BMP6: variants seen among roughly 807,000 people sequenced by gnomAD.
The protein encoded by BMP6 is VG-1-R.
Under a neutral mutation model 54.1 loss-of-function variants are expected in BMP6, and 17 were observed. The ratio of observed to expected loss-of-function variants is 0.31; its 90% CI spans 0.22 to 0.47. BMP6 has a LOEUF of 0.47. BMP6 is among the 20% of genes least tolerant of loss of function. BMP6 has a pLI of 1.00. For synonymous variants in BMP6, 328 were observed against 291.2 expected, an observed-to-expected ratio of 1.13 and a Z score of -1.28; for missense variants, 720 against 690.4, an observed-to-expected ratio of 1.04 and a Z score of -0.48.
Position 7,861,566 on chromosome 6 carries a change from A to T in BMP6, c.973A>T (p.Met325Leu). 1 of 1,614,150 alleles carries T rather than the reference A, an allele frequency of 6.2e-7. No individual in the cohort carries two copies. The highest frequency in any genetic ancestry group is 8.5e-7 in the Non-Finnish European group (1 of 1,180,026). Residue 325 changes from methionine to leucine, a missense_variant, in exon 3 of 7, where the codon ATG (methionine) becomes TTG (leucine). Met to Leu is a conservative substitution (Grantham distance 15). Coordinates refer to ENST00000283147, the MANE Select transcript of BMP6 (RefSeq NM_001718.6). The part of the protein sequence containing the change: ...NLWVVTPQHN[M>L]GLQLSVVTRD... ...GTGGGTTGTGACTCCACAGCATAAC[A>T]TGGGGCTTCAGCTGAGCGTGGTGAC...
intron 1 of BMP6, among the ~76,000 whole-genome samples, chr6:7,774,857 A>G (rs568370239): frequency 2.0e-5 from 3 of 152,360 alleles, no homozygotes; most frequent in African/African-American, 7.2e-5. Context: ...TTTGACTTAC[A>G]ATTCTGGAGG....
At chr6:7,850,748 T>TTTTG (rs1015779434) in intron 2 of BMP6, among the ~76,000 whole-genome samples, 51 of 152,274 alleles carry the variant, frequency 3.3e-4, no homozygotes, top group African/African-American at 1.2e-3. Flanking sequence ...GATGTAGAAG[T>TTTTG]TTTGAGCTCA....
At chr6:7,732,609 CTACTT>C (rs993631810) in intron 1 of BMP6, among the ~76,000 whole-genome samples, 12 of 152,264 alleles carry the variant, frequency 7.9e-5, no homozygotes, top group African/African-American at 2.9e-4. Flanking sequence ...CAGAGAGTAA[CTACTT>C]TATATGTTGG....
At chr6:7,767,493 C>T (rs866740017) in intron 1 of BMP6, among the ~76,000 whole-genome samples, 3 of 151,860 alleles carry the variant, frequency 2.0e-5, no homozygotes, top group Admixed American at 1.3e-4. Flanking sequence ...AGCCCCACCA[C>T]GGAGATTTGG....
At chr6:7,803,145 C>T (rs1160585695) in intron 1 of BMP6, among the ~76,000 whole-genome samples, 3 of 152,132 alleles carry the variant, frequency 2.0e-5, no homozygotes, top group Non-Finnish European at 4.4e-5. Context: ...GTCCCTTCCT[C>T]CCAGGGAAGA....
rs904968871 is a variant in BMP6 at position 7,727,031 on chromosome 6, C to T, written c.76C>T (p.Pro26Ser). Residue 26 changes from proline (P) to serine (S), a missense_variant, in exon 1 of 7, where the codon CCG (proline) becomes TCG (serine). Physicochemically the swap from Pro to Ser is moderately conservative, Grantham distance 74. Around this residue, in one of 3 missense-constraint regions of BMP6, gnomAD observed 650 missense variants for 556.3 expected, o/e 1.17. Coordinates refer to ENST00000283147, the MANE Select transcript of BMP6 (RefSeq NM_001718.6). Reference protein sequence around the residue: ...GLLCSCCGPPPLRPPLPAAAA... With the variant: ...GLLCSCCGPPSLRPPLPAAAA... ...GCTGTGCAGCTGCTGCGGGCCCCCG[C>T]CGCTGCGGCCGCCCTTGCCCGCTGC... The T allele has an allele frequency of 8.9e-7, 1 of 1,119,578 alleles. No homozygotes were observed. The highest frequency in any genetic ancestry group is 1.1e-6 in the Non-Finnish European group (1 of 918,180). The allele number at this position is 1,119,578 out of a possible 1,614,324, so 69.4% of individuals were successfully genotyped here.
At chr6:7,837,048 G>C (rs1031841796) in intron 1 of BMP6, among the ~76,000 whole-genome samples, 1 of 152,222 alleles carries the variant, frequency 6.6e-6, no homozygotes, top group African/African-American at 2.4e-5. Flanking sequence ...GAAAATGTAG[G>C]ATTTATTGGG....
chr6:7,876,997 G>A (rs1038829421), intron 4 of BMP6, among the ~76,000 whole-genome samples: 2 of 151,874 alleles, frequency 1.3e-5, no homozygotes, highest in African/African-American at 4.8e-5. Flanking sequence ...GGGTCCTCTG[G>A]GTCTTCCCTT....
rs199764413 is a variant in BMP6, at chr6:7,727,589, G to A, written c.634G>A (p.Ala212Thr). ...GCAGGACAGCGCCTTCCTCAACGACGCGGACATGGTCATGAGCTTTGTGAA... is the reference window on the plus strand; with the variant it reads ...GCAGGACAGCGCCTTCCTCAACGACACGGACATGGTCATGAGCTTTGTGAA... ...SAQDSAFLND[A>T]DMVMSFVNLV... The change falls in exon 1 of 7, where the codon GCG becomes ACG. Residue 212 changes from alanine to threonine, a missense_variant. By Grantham distance (58) the Ala-to-Thr change is moderately conservative (BLOSUM62 0). Coordinates refer to ENST00000283147, the MANE Select transcript of BMP6 (RefSeq NM_001718.6). 249 of 1,579,084 alleles carry A rather than the reference G, an allele frequency of 1.6e-4. No individual in the cohort carries two copies. The African/African-American group carries it at 2.5e-3, about 16-fold the overall frequency.
chr6:7,730,131 T>G (rs1250746420), intron 1 of BMP6, among the ~76,000 whole-genome samples: 1 of 152,192 alleles, frequency 6.6e-6, no homozygotes, highest in Non-Finnish European at 1.5e-5. Flanking sequence ...TTTACTGTAT[T>G]TAGTGACCCT....
intron 1 of BMP6, among the ~76,000 whole-genome samples, chr6:7,766,964 A>ATT (rs11414188): frequency 1.3e-5 from 2 of 149,100 alleles, no homozygotes; most frequent in Non-Finnish European, 3.0e-5. Context: ...TTATTTATTT[A>ATT]TTTATTTTTT....
At chr6:7,771,988 A>C (rs991863048) in intron 1 of BMP6, among the ~76,000 whole-genome samples, 9 of 150,090 alleles carry the variant, frequency 6.0e-5, no homozygotes, top group Non-Finnish European at 1.3e-4. Context: ...TGGGAGGTGG[A>C]GGTTGCAGTG....
intron 2 of BMP6, among the ~76,000 whole-genome samples, chr6:7,848,452 A>G (rs1759098598): frequency 6.6e-6 from 1 of 152,104 alleles, no homozygotes; most frequent in South Asian, 2.1e-4. Context: ...TGACTCAGCT[A>G]TGTGAAGACA....
chr6:7,814,481 G>GT (rs1381891172), intron 1 of BMP6, among the ~76,000 whole-genome samples: 24 of 152,114 alleles, frequency 1.6e-4, no homozygotes, highest in African/African-American at 5.8e-4. Flanking sequence ...CTGTTCTTTA[G>GT]TTTGAGTGTT....
chr6:7,766,690 C>T (rs900570471), intron 1 of BMP6, among the ~76,000 whole-genome samples: 17 of 152,126 alleles, frequency 1.1e-4, no homozygotes, highest in African/African-American at 3.6e-4. Flanking sequence ...AATTTCCTTG[C>T]TCCTAAGTGT....
chr6:7,777,259 C>T (rs1165120319), intron 1 of BMP6, among the ~76,000 whole-genome samples: 2 of 152,190 alleles, frequency 1.3e-5, no homozygotes, highest in Non-Finnish European at 2.9e-5. Flanking sequence ...CTAGTGGTGG[C>T]AGGTGGCCTT....
chr6:7,773,096 A>T (rs1046623426), intron 1 of BMP6, among the ~76,000 whole-genome samples: 1 of 152,164 alleles, frequency 6.6e-6, no homozygotes, highest in Non-Finnish European at 1.5e-5. Context: ...CAGAAGAAAA[A>T]TGCTTAGATG....
chr6:7,864,811 A>G (rs548740016), intron 4 of BMP6, among the ~76,000 whole-genome samples: 26 of 152,326 alleles, frequency 1.7e-4, no homozygotes, highest in African/African-American at 6.0e-4. Flanking sequence ...TTTTTGAAAA[A>G]GAGAAGAAAT....
At chr6:7,856,610 T>TTTTTTTTTTTTTTTTTTG (rs1477184469) in intron 2 of BMP6, among the ~76,000 whole-genome samples, 1 of 122,154 alleles carries the variant, frequency 8.2e-6, no homozygotes, top group African/African-American at 3.3e-5. Context: ...TTTTTTTTTT[T>TTTTTTTTTTTTTTTTTTG]TTTTGAGACG....
Sources: gnomAD v4.1 joint callset for allele counts (sites outside exome capture counted in the v4.1 genomes callset) on GRCh38, gnomAD v4.1.1 for gene constraint, gnomAD v4.1.1 regional missense constraint, MANE v1.5 for transcripts, NCBI Gene and HGNC (gene_info 2026-07-23, HGNC 2026-07-21) for gene names.